SLC35G2: variants seen among roughly 807,000 people sequenced by gnomAD.
SLC35G2 encodes the protein transmembrane protein 22.
SLC35G2 carries 20 observed loss-of-function variants against 27.2 expected under a neutral mutation model. The observed-to-expected ratio is 0.74, with a 90% CI of 0.52 to 1.07. The LOEUF is 1.07. Among genes scored for constraint, SLC35G2 ranks in the 50% least tolerant of loss-of-function variants. The pLI is 0.00. For synonymous variants in SLC35G2, 148 were observed against 165.3 expected (o/e 0.90, Z 0.80); for missense variants, 416 against 493.3 (o/e 0.84, Z 1.48).
Position 136,855,609 on chromosome 3 carries a change from T to C in SLC35G2, c.1149T>C (p.Ile383=). 1 of 1,614,082 alleles carries C rather than the reference T, an allele frequency of 6.2e-7. No homozygotes were observed. Among genetic ancestry groups the C allele is most frequent in the Non-Finnish European group, 8.5e-7 (1 of 1,179,942 alleles). The change falls in exon 2 of 2, where the codon ATT becomes ATC. Residue 383 remains isoleucine (I), a synonymous_variant. Coordinates refer to ENST00000446465, the MANE Select transcript of SLC35G2 (RefSeq NM_025246.3). ...TTTTTGGAGGGGTAATCATTATGAT[T>C]AGTGTTTTTGTCCTTGCTGGCTATA... ...YDVFGGVIIM[I]SVFVLAGYKL...
At chr3:136,847,551 C>T (rs944420516) in intron 1 of SLC35G2, among the ~76,000 whole-genome samples, 2 of 152,090 alleles carry the variant, frequency 1.3e-5, no homozygotes, top group Admixed American at 1.3e-4. Flanking sequence ...TCATTGCACT[C>T]CAGCCTGGGC....
chr3:136,836,914 T>C (rs1208159661), intron 1 of SLC35G2, among the ~76,000 whole-genome samples: 2 of 152,248 alleles, frequency 1.3e-5, no homozygotes, highest in African/African-American at 4.8e-5. Flanking sequence ...TCTCTTTTAG[T>C]GCTGACTTCA....
chr3:136,834,559 A>C (rs1936814316), intron 1 of SLC35G2, among the ~76,000 whole-genome samples: 1 of 152,148 alleles, frequency 6.6e-6, no homozygotes, highest in Non-Finnish European at 1.5e-5. Flanking sequence ...TGAACTCCTG[A>C]CCTCAGGTGA....
At chr3:136,820,198 T>TG (rs1936413817) in intron 1 of SLC35G2, 1 of 151,862 alleles carries the variant, frequency 6.6e-6, no homozygotes, top group Non-Finnish European at 1.5e-5. Context: ...TCCAGAGTGC[T>TG]GGGGGTGGGT....
chr3:136,845,884 G>A (rs550254431), intron 1 of SLC35G2, among the ~76,000 whole-genome samples: 5 of 149,526 alleles, frequency 3.3e-5, no homozygotes, highest in African/African-American at 1.2e-4. Flanking sequence ...GTGAGCCACC[G>A]CACCCGGCCG....
intron 1 of SLC35G2, among the ~76,000 whole-genome samples, chr3:136,849,412 G>A (rs772932699): frequency 6.6e-6 from 1 of 151,190 alleles, no homozygotes; most frequent in Non-Finnish European, 1.5e-5. Flanking sequence ...TTATGAAAAC[G>A]AAATCATGTA....
intron 1 of SLC35G2, among the ~76,000 whole-genome samples, 199 bp from the exon 2 acceptor site, chr3:136,854,244 G>A (rs562778902): frequency 1.3e-5 from 2 of 152,064 alleles, no homozygotes; most frequent in African/African-American, 4.8e-5. Flanking sequence ...CTTCAGATGA[G>A]AGTGAAAAAA....
intron 1 of SLC35G2, among the ~76,000 whole-genome samples, chr3:136,853,338 A>G (rs1419178180): frequency 1.3e-5 from 2 of 152,040 alleles, no homozygotes; most frequent in Non-Finnish European, 2.9e-5. Flanking sequence ...TTCTGGCCTC[A>G]AGTGATCCGC....
At chr3:136,839,917 T>C (rs1569228) in intron 1 of SLC35G2, among the ~76,000 whole-genome samples, 104,184 of 151,986 alleles carry the variant, frequency 0.69, 35,964 homozygotes, top group East Asian at 0.87. Context: ...AGTCCCTTAG[T>C]TGTAATTTCC....
At chr3:136,847,097 A>C (rs1937416212) in intron 1 of SLC35G2, among the ~76,000 whole-genome samples, 2 of 152,168 alleles carry the variant, frequency 1.3e-5, no homozygotes, top group South Asian at 4.1e-4. Flanking sequence ...GAATCACTTG[A>C]ACCTGGGAGG....
Position 136,823,648 on chromosome 3 carries a change from T to G in SLC35G2, c.-19+4020T>G, listed in dbSNP as rs111563995. Reference sequence around the variant, plus strand: ...GTCACTCAGGCTGGAGTGCAGTGAGTGCAGTGGCTTGATCTCTGCTCACTG... The same window carrying G: ...GTCACTCAGGCTGGAGTGCAGTGAGGGCAGTGGCTTGATCTCTGCTCACTG... On this transcript the variant is annotated intron_variant, in intron 1 of 1. Transcript: ENST00000446465. 8.1e-3 allele frequency among the ~76,000 whole-genome samples: 1,234 copies of G among 152,138 alleles called. 13 individuals carry two copies. Among genetic ancestry groups the G allele is most frequent in the Non-Finnish European group, 0.014 (926 of 67,994 alleles).
At chr3:136,825,944 A>G (rs1011593442) in intron 1 of SLC35G2, among the ~76,000 whole-genome samples, 4 of 152,084 alleles carry the variant, frequency 2.6e-5, no homozygotes, top group Non-Finnish European at 4.4e-5. Context: ...TCTCTCCTCT[A>G]TTTTTGGGAA....
chr3:136,828,548 A>G (rs1914048), intron 1 of SLC35G2, among the ~76,000 whole-genome samples: 103,434 of 152,100 alleles, frequency 0.68, 35,461 homozygotes, highest in East Asian at 0.87. Context: ...TATTAGTATA[A>G]CTACTTTTGT....
At chr3:136,851,037 A>G (rs1248514493) in intron 1 of SLC35G2, among the ~76,000 whole-genome samples, 1 of 152,186 alleles carries the variant, frequency 6.6e-6, no homozygotes, top group Non-Finnish European at 1.5e-5. Flanking sequence ...TAGAAACAAA[A>G]TTCCACTGAG....
At chr3:136,843,652 G>C (rs1937215630) in intron 1 of SLC35G2, among the ~76,000 whole-genome samples, 2 of 150,658 alleles carry the variant, frequency 1.3e-5, no homozygotes, top group Admixed American at 6.6e-5. Flanking sequence ...TTTCAAAAAG[G>C]CTGGGCGCAG....
chr3:136,832,719 A>G (rs1247225614), intron 1 of SLC35G2, among the ~76,000 whole-genome samples: 7 of 152,238 alleles, frequency 4.6e-5, no homozygotes, highest in Non-Finnish European at 8.8e-5. Flanking sequence ...CTTCATAGAA[A>G]CAAAATCCCC....
In SLC35G2 at chr3:136,854,958, A is replaced by C; in HGVS notation, c.498A>C (p.Leu166Phe). The C allele has an allele frequency of 8.1e-6, 13 of 1,614,172 alleles. No homozygotes were observed. The South Asian group carries it at 8.8e-5, about 11-fold the overall frequency. The change falls in exon 2 of 2, where the codon TTA becomes TTC. Residue 166 changes from leucine (L) to phenylalanine (F), a missense_variant. Coordinates refer to ENST00000446465, the MANE Select transcript of SLC35G2 (RefSeq NM_025246.3). ...CCTTTGGACCCAGTGGATACAGATT[A>C]CGACTCTTCTTTTATGGTGTATGCA... ...EAPFGPSGYRLRLFFYGVCNV... is the reference protein window; with the variant it reads ...EAPFGPSGYRFRLFFYGVCNV...
At chr3:136,821,158 G>A (rs1936448058) in intron 1 of SLC35G2, among the ~76,000 whole-genome samples, 2 of 152,064 alleles carry the variant, frequency 1.3e-5, no homozygotes. Context: ...AGGTAATAGA[G>A]AAATGCATAA....
At chr3:136,827,107 G>A (rs778238557) in intron 1 of SLC35G2, among the ~76,000 whole-genome samples, 2 of 150,020 alleles carry the variant, frequency 1.3e-5, no homozygotes, top group Admixed American at 6.6e-5. Flanking sequence ...TCAACTTTGT[G>A]TATCTTTTAA....
Sources: gnomAD v4.1 joint callset for allele counts (sites outside exome capture counted in the v4.1 genomes callset) on GRCh38, gnomAD v4.1.1 for gene constraint, MANE v1.5 for transcripts, NCBI Gene and HGNC (gene_info 2026-07-23, HGNC 2026-07-21) for gene names.